The following TLK2 variants were observed in gnomAD, a reference collection of about 807,000 sequenced individuals.
TLK2 encodes the protein serine/threonine-protein kinase tousled-like 2.
TLK2 carries 6 observed loss-of-function variants against 117.3 expected under a neutral mutation model. That is an observed-to-expected ratio of 0.05 (90% CI 0.03 to 0.10). TLK2 has a LOEUF of 0.10. Ranked by LOEUF, TLK2 falls within the 10% of genes least tolerant of loss-of-function variation. The pLI, the probability that TLK2 is intolerant of heterozygous loss-of-function variation, is 1.00. For synonymous variants in TLK2, 257 were observed against 316.7 expected, an observed-to-expected ratio of 0.81 and a Z score of 2.00; for missense variants, 299 against 901.2, an observed-to-expected ratio of 0.33 and a Z score of 8.56.
At chr17:62,490,554 CTTTTTT>C (rs1219429653) in intron 2 of TLK2, among the ~76,000 whole-genome samples, 36 of 151,934 alleles carry the variant, frequency 2.4e-4, no homozygotes, top group African/African-American at 8.5e-4. Flanking sequence ...TTTTCTTTTT[CTTTTTT>C]GAGATGGAGT....
chr17:62,553,637 A>C lies in TLK2; in HGVS notation c.628-26A>C, dbSNP rs145727440. 13,033 of 1,512,796 alleles carry C rather than the reference A, an allele frequency of 8.6e-3. 413 individuals carry two copies. The South Asian group carries it at 0.087, about 10-fold the overall frequency. The allele number at this position is 1,512,796 out of a possible 1,614,324, so 93.7% of individuals were successfully genotyped here. On this transcript the variant is annotated intron_variant, in intron 8 of 21. Transcript: ENST00000346027. ...ATATAACATGTTGAGACTAATCCTAAATTTGTTTTACCTTTGTCTCTGTAG... is the reference window on the plus strand; with the variant it reads ...ATATAACATGTTGAGACTAATCCTACATTTGTTTTACCTTTGTCTCTGTAG...
chr17:62,604,136 C>T (rs2083083397), intron 19 of TLK2, among the ~76,000 whole-genome samples: 1 of 151,942 alleles, frequency 6.6e-6, no homozygotes, highest in Admixed American at 6.6e-5. Context: ...TCTCAAGTAG[C>T]TGGGTTTACA....
At position 62,614,535 on chromosome 17, in the gene TLK2, GT is replaced by G; in HGVS notation, c.*1974del. The G allele has an allele frequency of 6.6e-6, 1 of 152,128 alleles. No homozygotes were observed. Among genetic ancestry groups the G allele is most frequent in the Non-Finnish European group, 1.5e-5 (1 of 68,044 alleles). The allele number at this position is 152,128 out of a possible 1,614,324, so 9.4% of individuals were successfully genotyped here. A position where few individuals can be genotyped will look rare whatever the true frequency, so the allele number is the denominator to read the frequency against. The stretch of plus-strand genomic sequence containing the variant: ...GACACATTTTCTAGGACCTTCGTTT[GT>G]TTTGTGGACCTGCCTCAGTCTCCTC... On this transcript the variant is annotated 3_prime_UTR_variant, in exon 22 of 22. Transcript: ENST00000346027.
intron 12 of TLK2, among the ~76,000 whole-genome samples, chr17:62,575,956 G>C (rs1258111349): frequency 6.6e-6 from 1 of 152,100 alleles, no homozygotes; most frequent in Non-Finnish European, 1.5e-5. Context: ...CAGCTTCCCA[G>C]AGTACTGGGA....
intron 8 of TLK2, 134 bp downstream of exon 8, chr17:62,552,531 T>A: frequency 6.9e-7 from 1 of 1,442,196 alleles, no homozygotes; most frequent in Non-Finnish European, 9.3e-7. Flanking sequence ...TGTATTATAT[T>A]CATAACTTGC....
At chr17:62,533,409 ATT>A (rs71357028) in intron 6 of TLK2, among the ~76,000 whole-genome samples, 1 of 85,836 alleles carries the variant, frequency 1.2e-5, no homozygotes, top group Non-Finnish European at 2.5e-5. Context: ...TGTGTGTGTA[ATT>A]TTTTTTTTTT....
intron 14 of TLK2, 152 bp downstream of exon 14, chr17:62,578,726 G>A (rs375720743): frequency 6.9e-6 from 4 of 579,734 alleles, no homozygotes; most frequent in Admixed American, 3.3e-5. Flanking sequence ...ACAATTTTGT[G>A]AACAAAATTA....
intron 6 of TLK2, among the ~76,000 whole-genome samples, chr17:62,532,134 C>T (rs1478212961): frequency 6.6e-6 from 1 of 152,126 alleles, no homozygotes. Flanking sequence ...TCTGGCAGAT[C>T]CCTAATACTT....
intron 13 of TLK2, among the ~76,000 whole-genome samples, chr17:62,577,738 TCA>T: frequency 6.6e-6 from 1 of 152,342 alleles, no homozygotes; most frequent in African/African-American, 2.4e-5. Flanking sequence ...CACTGGGTTC[TCA>T]GAGCTTGTTA....
At chr17:62,610,588 G>A (rs961848137) in intron 21 of TLK2, among the ~76,000 whole-genome samples, 2 of 152,244 alleles carry the variant, frequency 1.3e-5, no homozygotes, top group Non-Finnish European at 2.9e-5. Flanking sequence ...AGTTTGAGCA[G>A]TATCTTGAAT....
At chr17:62,586,420 G>A (rs1228627846) in intron 16 of TLK2, among the ~76,000 whole-genome samples, 194 bp downstream of exon 16, 1 of 152,166 alleles carries the variant, frequency 6.6e-6, no homozygotes, top group Non-Finnish European at 1.5e-5. Context: ...ACAGGAAGTG[G>A]CTGAGCTGGT....
chr17:62,546,161 C>G (rs1205775431), intron 7 of TLK2, among the ~76,000 whole-genome samples: 2 of 151,968 alleles, frequency 1.3e-5, no homozygotes, highest in Admixed American at 1.3e-4. Flanking sequence ...GGATTACAGT[C>G]ATGAGCCACC....
At chr17:62,541,881 T>C (rs544665248) in intron 7 of TLK2, among the ~76,000 whole-genome samples, 1 of 152,320 alleles carries the variant, frequency 6.6e-6, no homozygotes, top group East Asian at 1.9e-4. Context: ...CACAGTCTAG[T>C]GCTCATTCTG....
rs567571318 is a variant in TLK2 at position 62,529,111 on chromosome 17, G to A, written c.363+4780G>A. Among the ~76,000 whole-genome samples the A allele has an allele frequency of 1.8e-4, 28 of 152,132 alleles. No homozygotes were observed. The East Asian group carries it at 4.8e-3, about 26-fold the overall frequency. On this transcript the variant is annotated intron_variant, in intron 6 of 21. Transcript: ENST00000346027. ...GGCTGTTCTATCAATTATTAAGAGC[G>A]GTGTGTATATTTGTATCTCTCGCTG...
chr17:62,562,570 TATCC>T (rs2079378326), intron 10 of TLK2, among the ~76,000 whole-genome samples: 1 of 152,096 alleles, frequency 6.6e-6, no homozygotes, highest in Non-Finnish European at 1.5e-5. Flanking sequence ...TTAATGTCAT[TATCC>T]ATCAGGAAAA....
chr17:62,518,540 C>T (rs2075797689), intron 2 of TLK2, among the ~76,000 whole-genome samples: 1 of 151,896 alleles, frequency 6.6e-6, no homozygotes. Flanking sequence ...CCCTTCTCTA[C>T]TAAAAATACA....
intron 11 of TLK2, among the ~76,000 whole-genome samples, chr17:62,568,823 G>C (rs1007301658): frequency 1.3e-5 from 2 of 151,898 alleles, no homozygotes; most frequent in African/African-American, 4.8e-5. Context: ...GACCTCAAGT[G>C]ATCCACCCAC....
intron 9 of TLK2, among the ~76,000 whole-genome samples, chr17:62,554,260 A>G (rs2078683945): frequency 6.6e-6 from 1 of 152,218 alleles, no homozygotes; most frequent in Non-Finnish European, 1.5e-5. Flanking sequence ...GCAATTTGGC[A>G]TGACTGACTC....
At chr17:62,480,394 C>T (rs1054630502) in intron 1 of TLK2, among the ~76,000 whole-genome samples, 2 of 152,190 alleles carry the variant, frequency 1.3e-5, no homozygotes, top group African/African-American at 2.4e-5. Context: ...ATGGTGTCCT[C>T]CTGCCCCTCC....
Sources: gnomAD v4.1 joint callset for allele counts (sites outside exome capture counted in the v4.1 genomes callset) on GRCh38, gnomAD v4.1.1 for gene constraint, MANE v1.5 for transcripts, NCBI Gene and HGNC (gene_info 2026-07-23, HGNC 2026-07-21) for gene names.